The following DSCAML1 variants were observed in gnomAD, a reference collection of about 807,000 sequenced individuals.
DSCAML1 encodes the protein cell adhesion molecule DSCAML1.
Under a neutral mutation model 200.5 loss-of-function variants are expected in DSCAML1, and 38 were observed. The ratio of observed to expected loss-of-function variants is 0.19; its 90% CI spans 0.15 to 0.25. The LOEUF (loss-of-function observed/expected upper bound fraction) is 0.25, where lower values mean the gene tolerates loss of function less well. Ranked by LOEUF, DSCAML1 falls within the 10% of genes least tolerant of loss-of-function variation. The probability of loss-of-function intolerance (pLI) is 1.00; values close to 1 mark genes in which losing one functional copy is unlikely to be tolerated. For synonymous variants in DSCAML1, 1,215 were observed against 1,165.0 expected (o/e 1.04, Z -0.87); for missense variants, 2,223 against 2,858.8 (o/e 0.78, Z 5.07).
rs772521283 is a variant in DSCAML1, at chr11:117,443,930, C to G, written c.3818G>C (p.Arg1273Pro). 1 of 1,612,794 alleles carries G rather than the reference C, an allele frequency of 6.2e-7. No individual in the cohort carries two copies. The highest frequency in any genetic ancestry group is 8.5e-7 in the Non-Finnish European group (1 of 1,179,682). The stretch of plus-strand genomic sequence containing the variant: ...GGTCACCTTCTCGCTGCTGTTGCCC[C>G]GGCCGGCAGAGGTGACGGCGGCCAC... ...LWVAAVTSAG[R>P]GNSSEKVTIE... Residue 1273 changes from arginine to proline, a missense_variant, in exon 21 of 33, where the codon CGG becomes CCG. Around this residue, in one of 7 missense-constraint regions of DSCAML1, gnomAD observed 614 missense variants for 739.1 expected, o/e 0.83. Coordinates refer to ENST00000651296, the MANE Select transcript of DSCAML1 (RefSeq NM_020693.4).
intron 20 of DSCAML1, 111 bp downstream of exon 20, chr11:117,450,438 C>G (rs2048263037): frequency 1.4e-6 from 2 of 1,435,664 alleles, no homozygotes; most frequent in Non-Finnish European, 1.9e-6. Flanking sequence ...TGAATCCAGG[C>G]AGAAGCTCAG....
At chr11:117,442,550 G>T (rs1453710832) in intron 21 of DSCAML1, among the ~76,000 whole-genome samples, 1 of 152,072 alleles carries the variant, frequency 6.6e-6, no homozygotes, top group Non-Finnish European at 1.5e-5. Flanking sequence ...GGCAGGAGTG[G>T]TTGTCTTTCC....
chr11:117,726,959 T>G (rs1485887033), intron 3 of DSCAML1, among the ~76,000 whole-genome samples: 1 of 152,142 alleles, frequency 6.6e-6, no homozygotes, highest in African/African-American at 2.4e-5. Context: ...GGCCATAGCA[T>G]GCTACAAATG....
intron 21 of DSCAML1, among the ~76,000 whole-genome samples, chr11:117,441,074 G>A (rs1035665666): frequency 8.5e-5 from 13 of 152,054 alleles, no homozygotes; most frequent in Non-Finnish European, 1.5e-4. Flanking sequence ...GAGGTGATGC[G>A]TAGCAGTGGG....
At chr11:117,808,903 T>C (rs1199780423) in intron 1 of DSCAML1, among the ~76,000 whole-genome samples, 1 of 152,046 alleles carries the variant, frequency 6.6e-6, no homozygotes, top group Non-Finnish European at 1.5e-5. Flanking sequence ...CTTTAATGAG[T>C]TGGATATCAC....
intron 3 of DSCAML1, among the ~76,000 whole-genome samples, chr11:117,599,945 G>C (rs981383435): frequency 2.6e-5 from 4 of 152,154 alleles, no homozygotes; most frequent in Non-Finnish European, 5.9e-5. Context: ...GGAAGGTCTA[G>C]GGCCAGGCTC....
intron 3 of DSCAML1, among the ~76,000 whole-genome samples, chr11:117,665,760 C>G (rs1306919865): frequency 2.0e-5 from 3 of 152,186 alleles, no homozygotes; most frequent in Non-Finnish European, 4.4e-5. Flanking sequence ...GCCTCAGTCC[C>G]TGCCCAGGAC....
chr11:117,580,983 G>T (rs2051027870), intron 3 of DSCAML1, among the ~76,000 whole-genome samples: 1 of 152,212 alleles, frequency 6.6e-6, no homozygotes, highest in South Asian at 2.1e-4. Flanking sequence ...AGGTGTTCAA[G>T]CCAGAACAAA....
intron 14 of DSCAML1, 45 bp from the exon 15 acceptor site, chr11:117,472,081 A>T: frequency 6.2e-7 from 1 of 1,606,160 alleles, no homozygotes; most frequent in Non-Finnish European, 8.5e-7. Flanking sequence ...GGCAAACTCC[A>T]GGACCCCTTC....
At chr11:117,725,337 C>T (rs1046939012) in intron 3 of DSCAML1, among the ~76,000 whole-genome samples, 10 of 152,172 alleles carry the variant, frequency 6.6e-5, no homozygotes, top group African/African-American at 2.4e-4. Context: ...GACTTATGTT[C>T]ACCTGCCGTC....
intron 3 of DSCAML1, among the ~76,000 whole-genome samples, chr11:117,747,374 G>A (rs2054535208): frequency 6.6e-6 from 1 of 152,146 alleles, no homozygotes; most frequent in East Asian, 1.9e-4. Flanking sequence ...GTTGCTGAAG[G>A]TCCCGATGCA....
chr11:117,509,267 C>T lies in DSCAML1; in HGVS notation c.1784-3535G>A, dbSNP rs550992230. On this transcript the variant is annotated intron_variant, in intron 8 of 32. Transcript: ENST00000651296. ...AGGACACACATGCTTTCAAACAATACATGGGGTGAAGGAGACGGAGGAGGC... is the reference window on the plus strand; with the variant it reads ...AGGACACACATGCTTTCAAACAATATATGGGGTGAAGGAGACGGAGGAGGC... Among the ~76,000 whole-genome samples the T allele has an allele frequency of 2.6e-5, 4 of 152,244 alleles. No homozygotes were observed. In the South Asian group the frequency reaches 8.3e-4, roughly 32 times the overall value.
intron 3 of DSCAML1, among the ~76,000 whole-genome samples, chr11:117,704,325 C>T (rs2053721478): frequency 6.6e-6 from 1 of 151,996 alleles, no homozygotes; most frequent in South Asian, 2.1e-4. Flanking sequence ...GTTCTTTTTT[C>T]TTCCTTCTAC....
chr11:117,557,738 G>A (rs924169224), intron 3 of DSCAML1, among the ~76,000 whole-genome samples: 1 of 152,190 alleles, frequency 6.6e-6, no homozygotes, highest in Non-Finnish European at 1.5e-5. Flanking sequence ...GCAGTGAGAA[G>A]GAACAAAGCA....
chr11:117,668,726 A>G (rs1441759142), intron 3 of DSCAML1: 1 of 152,256 alleles, frequency 6.6e-6, no homozygotes, highest in East Asian at 1.9e-4. Flanking sequence ...CTGCTGCTCA[A>G]TGCCATCTCC....
intron 3 of DSCAML1, among the ~76,000 whole-genome samples, chr11:117,570,242 T>C (rs2050826335): frequency 6.6e-6 from 1 of 152,130 alleles, no homozygotes; most frequent in Non-Finnish European, 1.5e-5. Flanking sequence ...ATGCCAAGGA[T>C]GAACGCTTTA....
chr11:117,746,091 G>A (rs1351593565), intron 3 of DSCAML1, among the ~76,000 whole-genome samples: 16 of 151,562 alleles, frequency 1.1e-4, no homozygotes, highest in South Asian at 2.1e-4. Context: ...GTGTGGTGGC[G>A]GGAGCCTGTA....
chr11:117,455,033 T>C (rs1330412880), intron 19 of DSCAML1, among the ~76,000 whole-genome samples: 1 of 152,174 alleles, frequency 6.6e-6, no homozygotes, highest in Non-Finnish European at 1.5e-5. Flanking sequence ...GAGGAGCTGT[T>C]CCAAATGTCA....
At chr11:117,521,454 C>G in intron 5 of DSCAML1, 49 bp from the exon 6 acceptor site, 1 of 1,580,856 alleles carries the variant, frequency 6.3e-7, no homozygotes, top group East Asian at 2.3e-5. Flanking sequence ...GAGGAAAGAA[C>G]AGAAAAAGGG....
Sources: allele counts gnomAD v4.1 joint callset (sites outside exome capture counted in the v4.1 genomes callset), GRCh38; gene constraint gnomAD v4.1.1; regional missense constraint gnomAD v4.1.1; transcripts MANE v1.5; gene names NCBI Gene and HGNC (gene_info 2026-07-23, HGNC 2026-07-21).